NRG2: variants seen among roughly 807,000 people sequenced by gnomAD.
NRG2 encodes the protein pro-neuregulin-2, membrane-bound isoform.
A neutral mutation model predicts 73.9 loss-of-function variants in NRG2; 27 were observed. The observed-to-expected ratio is 0.37, with a 90% CI of 0.27 to 0.50. The LOEUF is 0.50. Ranked by LOEUF, NRG2 falls within the 20% of genes least tolerant of loss-of-function variation. The probability of loss-of-function intolerance (pLI) is 0.96; values close to 1 mark genes in which losing one functional copy is unlikely to be tolerated. For missense variants in NRG2, 1,126 were observed against 1,210.1 expected (o/e 0.93, Z 1.03); for synonymous variants, 532 against 541.0 (o/e 0.98, Z 0.23).
Position 139,848,082 on chromosome 5 carries a change from C to A in NRG2, c.2388G>T (p.Leu796=). ...GCGCGTCGTGCGCCCCACGCAGGCC[C>A]AGGAAAGGTGTGCTCTCGGCCGCCA... ...GALAAESTPF[L]GLRGAHDALR... Residue 796 remains leucine (L), a synonymous_variant, in exon 10 of 10, where the codon CTG becomes CTT. Coordinates refer to ENST00000361474, the MANE Select transcript of NRG2 (RefSeq NM_004883.3). 1 of 1,494,318 alleles carries A rather than the reference C, an allele frequency of 6.7e-7. No homozygotes were observed. The highest frequency in any genetic ancestry group is 8.9e-7 in the Non-Finnish European group (1 of 1,129,230). The allele number at this position is 1,494,318 out of a possible 1,614,324, so 92.6% of individuals were successfully genotyped here.
At chr5:139,914,707 A>G (rs970762258) in intron 1 of NRG2, among the ~76,000 whole-genome samples, 2 of 152,210 alleles carry the variant, frequency 1.3e-5, no homozygotes, top group African/African-American at 4.8e-5. Flanking sequence ...GCATTTCTGC[A>G]TATTTAAGCT....
chr5:139,889,320 A>AAT lies in NRG2; in HGVS notation c.701-1811_701-1810dup, dbSNP rs759631587. Among the ~76,000 whole-genome samples, 32 of 151,988 alleles carry AAT rather than the reference A, an allele frequency of 2.1e-4. No homozygotes were observed. In the Middle Eastern group the frequency reaches 0.014, roughly 65 times the overall value. On this transcript the variant is annotated intron_variant, in intron 1 of 9. Coordinates refer to ENST00000361474, the MANE Select transcript of NRG2 (RefSeq NM_004883.3). Reference sequence around the variant, plus strand: ...ATATATTTCAACAATGATTCCATTGAATATATATATATAAACATATATTTT... The same window carrying AAT: ...ATATATTTCAACAATGATTCCATTGAATATATATATATATAAACATATATTTT...
At chr5:139,864,330 TGG>T (rs1762335264) in intron 5 of NRG2, among the ~76,000 whole-genome samples, 1 of 151,778 alleles carries the variant, frequency 6.6e-6, no homozygotes, top group Non-Finnish European at 1.5e-5. Context: ...TAATTATGGC[TGG>T]GTCCTTGGGC....
chr5:139,978,473 A>C (rs1580861341), intron 1 of NRG2, among the ~76,000 whole-genome samples: 1 of 152,340 alleles, frequency 6.6e-6, no homozygotes, highest in Admixed American at 6.5e-5. Flanking sequence ...GTGGAGAAAT[A>C]GGAACACTTT....
chr5:139,986,034 C>T (rs1381460484), intron 1 of NRG2, among the ~76,000 whole-genome samples: 1 of 152,178 alleles, frequency 6.6e-6, no homozygotes, highest in Non-Finnish European at 1.5e-5. Flanking sequence ...TGGACATAGG[C>T]AGGCTATAAA....
chr5:139,918,056 G>C (rs972630086), intron 1 of NRG2, among the ~76,000 whole-genome samples: 1 of 152,122 alleles, frequency 6.6e-6, no homozygotes, highest in Non-Finnish European at 1.5e-5. Flanking sequence ...CCCATGTTGG[G>C]TTAATTTTTG....
chr5:139,956,233 T>C (rs1320467560), intron 1 of NRG2, among the ~76,000 whole-genome samples: 3 of 152,142 alleles, frequency 2.0e-5, no homozygotes, highest in Non-Finnish European at 4.4e-5. Context: ...TCCAGTCACC[T>C]TTCCCAACAC....
rs941753187 is a variant in NRG2 at position 139,851,283 on chromosome 5, G to A, written c.1772+321C>T. On this transcript the variant is annotated intron_variant, in intron 9 of 9. Coordinates refer to ENST00000361474, the MANE Select transcript of NRG2 (RefSeq NM_004883.3). This position sits in a 1 kb window ranked among gnomAD's most constrained non-coding sequence, Gnocchi z 4.2. ...ATTACAGGTGTGAGCCACCGCGCCC[G>A]GCTGCCTGTTTGTTCTTGATGTTCC... Among the ~76,000 whole-genome samples, 1 of 152,086 alleles carries A rather than the reference G, an allele frequency of 6.6e-6. No individual in the cohort carries two copies. The highest frequency in any genetic ancestry group is 1.5e-5 in the Non-Finnish European group (1 of 68,004).
chr5:139,932,847 G>T (rs1034444401), intron 1 of NRG2, among the ~76,000 whole-genome samples: 31 of 151,640 alleles, frequency 2.0e-4, no homozygotes, highest in Admixed American at 1.6e-3. Context: ...CATATTGGAT[G>T]GTTAAACCAT....
chr5:139,854,652 A>C (rs1761700465), intron 6 of NRG2, among the ~76,000 whole-genome samples: 1 of 152,238 alleles, frequency 6.6e-6, no homozygotes, highest in African/African-American at 2.4e-5. Flanking sequence ...GCAGGACTTC[A>C]GATGCCACAG....
intron 1 of NRG2, among the ~76,000 whole-genome samples, chr5:139,990,768 T>C (rs771200253): frequency 4.6e-5 from 7 of 152,260 alleles, no homozygotes; most frequent in Admixed American, 3.3e-4. Flanking sequence ...CATCTCTCCA[T>C]GTTTTTATTG....
chr5:139,892,346 G>A (rs1175878158), intron 1 of NRG2, among the ~76,000 whole-genome samples: 10 of 152,118 alleles, frequency 6.6e-5, no homozygotes, highest in African/African-American at 2.2e-4. Context: ...TATAAGTTGG[G>A]GGATGACCTG....
intron 3 of NRG2, among the ~76,000 whole-genome samples, chr5:139,875,073 A>G (rs1219656752): frequency 2.6e-5 from 4 of 152,184 alleles, no homozygotes; most frequent in African/African-American, 9.7e-5. Flanking sequence ...GTGCAATGGT[A>G]AGATCTCAGC....
intron 4 of NRG2, among the ~76,000 whole-genome samples, chr5:139,867,785 T>TGTGTGTGTATGA (rs1762561814): frequency 2.9e-5 from 4 of 138,724 alleles, no homozygotes; most frequent in Non-Finnish European, 6.0e-5. Context: ...TGTGTGTGTG[T>TGTGTGTGTATGA]GTGTGTGTGT....
At chr5:140,038,827 A>G (rs1178827576) in intron 1 of NRG2, among the ~76,000 whole-genome samples, 1 of 152,216 alleles carries the variant, frequency 6.6e-6, no homozygotes, top group East Asian at 1.9e-4. Flanking sequence ...ATCTACAACC[A>G]TGCCTTGTCC....
In NRG2 at chr5:139,851,793, C is replaced by G. The variant is rs376139903; in HGVS notation, c.1583G>C (p.Ser528Thr). 6.2e-7 allele frequency: 1 copy of G among 1,614,226 alleles called. No homozygotes were observed. The highest frequency in any genetic ancestry group is 8.5e-7 in the Non-Finnish European group (1 of 1,180,042). The change falls in exon 9 of 10, where the codon AGC becomes ACC. Residue 528 changes from serine to threonine, a missense_variant. Ser to Thr is a moderately conservative substitution (Grantham distance 58). This residue lies in a region of NRG2 where 539 missense variants were observed against 703.2 expected (regional missense o/e 0.77). Coordinates refer to ENST00000361474, the MANE Select transcript of NRG2 (RefSeq NM_004883.3). The surrounding 1 kb of genome is among the most constrained non-coding windows in gnomAD (Gnocchi z 4.2). Reference protein sequence around the residue: ...SHTWSLERSESLTSDSQSGIM... With the variant: ...SHTWSLERSETLTSDSQSGIM... ...CCCCGACTGGGAGTCAGAAGTCAGGCTCTCAGAACGTTCCAGGCTCCACGT... is the reference window on the plus strand; with the variant it reads ...CCCCGACTGGGAGTCAGAAGTCAGGGTCTCAGAACGTTCCAGGCTCCACGT...
At chr5:139,922,186 T>G (rs1751723411) in intron 1 of NRG2, among the ~76,000 whole-genome samples, 1 of 152,134 alleles carries the variant, frequency 6.6e-6, no homozygotes, top group South Asian at 2.1e-4. Flanking sequence ...TCTAATAAAT[T>G]TTTATCCAAA....
intron 1 of NRG2, among the ~76,000 whole-genome samples, chr5:140,006,890 C>T (rs376752228): frequency 1.3e-5 from 2 of 152,184 alleles, no homozygotes; most frequent in South Asian, 4.2e-4. Context: ...ATTAACCTGC[C>T]CTAGGGTCTT....
intron 1 of NRG2, among the ~76,000 whole-genome samples, chr5:139,949,449 CT>C (rs941440640): frequency 7.5e-4 from 113 of 150,570 alleles, no homozygotes; most frequent in African/African-American, 1.9e-3. Context: ...TTAACTAATA[CT>C]TTTTTTTTTC....
Sources: allele counts gnomAD v4.1 joint callset (sites outside exome capture counted in the v4.1 genomes callset), GRCh38; gene constraint gnomAD v4.1.1; regional missense constraint gnomAD v4.1.1; non-coding constraint Gnocchi (gnomAD v3.1); transcripts MANE v1.5; gene names NCBI Gene and HGNC (gene_info 2026-07-23, HGNC 2026-07-21).